TNIK: variants seen among roughly 807,000 people sequenced by gnomAD.
TNIK encodes TRAF2 and NCK-interacting protein kinase.
A neutral mutation model predicts 191.3 loss-of-function variants in TNIK; 49 were observed. The ratio of observed to expected loss-of-function variants is 0.26; its 90% CI spans 0.20 to 0.32. TNIK has a LOEUF of 0.32. TNIK is among the 10% of genes least tolerant of loss of function. The pLI, the probability that TNIK is intolerant of heterozygous loss-of-function variation, is 1.00. For synonymous variants in TNIK, 594 were observed against 600.9 expected, an observed-to-expected ratio of 0.99 and a Z score of 0.17; for missense variants, 1,155 against 1,702.3, an observed-to-expected ratio of 0.68 and a Z score of 5.66.
At chr3:171,338,252 TAAC>T (rs556441032) in intron 2 of TNIK, among the ~76,000 whole-genome samples, 58 of 152,256 alleles carry the variant, frequency 3.8e-4, no homozygotes, top group Middle Eastern at 3.4e-3. Context: ...CTCATTTCAG[TAAC>T]AACAACAACA....
intron 19 of TNIK, among the ~76,000 whole-genome samples, chr3:171,109,251 T>A (rs1411481710): frequency 6.6e-6 from 1 of 152,218 alleles, no homozygotes; most frequent in Non-Finnish European, 1.5e-5. Flanking sequence ...AGCCTTGAAC[T>A]CCTGAGCTTA....
intron 2 of TNIK, among the ~76,000 whole-genome samples, chr3:171,293,528 A>G (rs1024981759): frequency 2.6e-5 from 4 of 152,216 alleles, no homozygotes; most frequent in East Asian, 1.9e-4. Flanking sequence ...CAAGCAATGC[A>G]TCTCAGTTTT....
intron 1 of TNIK, among the ~76,000 whole-genome samples, chr3:171,414,456 T>C (rs1722796415): frequency 2.6e-5 from 4 of 152,228 alleles, no homozygotes; most frequent in Admixed American, 2.0e-4. Context: ...AAGGTCTAAA[T>C]GATAATAATA....
chr3:171,341,472 A>C (rs1442240716), intron 2 of TNIK, among the ~76,000 whole-genome samples: 1 of 3,750 alleles, frequency 2.7e-4, no homozygotes, highest in Non-Finnish European at 1.2e-3. Flanking sequence ...ACTCTGTCTC[A>C]AAAAAAAAAA....
intron 12 of TNIK, among the ~76,000 whole-genome samples, chr3:171,151,914 C>T (rs1010912228): frequency 5.9e-5 from 9 of 152,284 alleles, no homozygotes; most frequent in South Asian, 2.1e-4. Context: ...TCCACACCAG[C>T]GGCTTCTCTG....
In TNIK at chr3:171,179,578, A is replaced by T. The variant is rs572196849; in HGVS notation, c.640-2198T>A. On this transcript the variant is annotated intron_variant, in intron 7 of 32. Coordinates refer to ENST00000436636, the MANE Select transcript of TNIK (RefSeq NM_015028.4). The stretch of plus-strand genomic sequence containing the variant: ...GCCATTCTCCTGCCTCAGCCTCCCG[A>T]GTAGCTGGGACTACAGGTGCCTGCC... Among the ~76,000 whole-genome samples the T allele has an allele frequency of 2.7e-4, 41 of 152,114 alleles. No homozygotes were observed. The East Asian group carries it at 7.5e-3, about 28-fold the overall frequency.
At chr3:171,177,680 C>T (rs1736124252) in intron 7 of TNIK, among the ~76,000 whole-genome samples, 4 of 152,346 alleles carry the variant, frequency 2.6e-5, no homozygotes, top group Admixed American at 2.6e-4. Flanking sequence ...TGCTATTTGA[C>T]TGTTTATAAC....
intron 2 of TNIK, among the ~76,000 whole-genome samples, chr3:171,325,359 G>A (rs1028202604): frequency 6.6e-6 from 1 of 152,090 alleles, no homozygotes; most frequent in African/African-American, 2.4e-5. Context: ...GGACATCTGA[G>A]TAGCCTCCAA....
chr3:171,265,069 G>A (rs188988811), intron 2 of TNIK, among the ~76,000 whole-genome samples: 147 of 152,250 alleles, frequency 9.7e-4, no homozygotes, highest in African/African-American at 3.3e-3. Flanking sequence ...TGCTCATTAG[G>A]CATCTACTAG....
At chr3:171,122,749 C>T (rs564745721) in intron 18 of TNIK, among the ~76,000 whole-genome samples, 2 of 152,278 alleles carry the variant, frequency 1.3e-5, no homozygotes, top group African/African-American at 4.8e-5. Context: ...AACAGCCTGC[C>T]CAATCACATC....
Position 171,294,607 on chromosome 3 carries a change from A to G in TNIK, c.124-66386T>C, listed in dbSNP as rs1395449242. Among the ~76,000 whole-genome samples, 14 of 148,760 alleles carry G rather than the reference A, an allele frequency of 9.4e-5. 1 individual carries two copies. The highest frequency in any genetic ancestry group is 7.3e-4 in the Admixed American group (11 of 15,048). ...GTGGTGGTGAGCATCTGTAATCCCA[A>G]CTACTCAGGAGGCTGAGGCAGGAGA... is the stretch of plus-strand genomic sequence containing the variant. On this transcript the variant is annotated intron_variant, in intron 2 of 32. Transcript: ENST00000436636.
chr3:171,268,881 C>G (rs562356236), intron 2 of TNIK, among the ~76,000 whole-genome samples: 5 of 152,130 alleles, frequency 3.3e-5, no homozygotes, highest in African/African-American at 1.2e-4. Context: ...GCCAAAACAA[C>G]GGCTGCTACA....
intron 1 of TNIK, among the ~76,000 whole-genome samples, chr3:171,371,214 G>A (rs879485950): frequency 3.3e-5 from 5 of 152,124 alleles, no homozygotes; most frequent in Admixed American, 3.3e-4. Flanking sequence ...ACCACCAGCA[G>A]GATTTAAATG....
At chr3:171,333,539 A>G (rs572997897) in intron 2 of TNIK, among the ~76,000 whole-genome samples, 5 of 148,514 alleles carry the variant, frequency 3.4e-5, no homozygotes, top group Non-Finnish European at 7.4e-5. Flanking sequence ...GCACCACTGC[A>G]CTCCAACCTG....
intron 1 of TNIK, among the ~76,000 whole-genome samples, chr3:171,379,308 T>C (rs1717696513): frequency 6.6e-6 from 1 of 152,220 alleles, no homozygotes; most frequent in Non-Finnish European, 1.5e-5. Flanking sequence ...TTACATTGCA[T>C]AAATAAGTAT....
intron 4 of TNIK, among the ~76,000 whole-genome samples, chr3:171,205,566 A>T (rs973806662): frequency 2.6e-5 from 4 of 152,142 alleles, no homozygotes; most frequent in African/African-American, 9.7e-5. Flanking sequence ...CTACTTGCAG[A>T]TCCCCCCTTC....
chr3:171,071,246 AC>A lies in TNIK; in HGVS notation c.3525del (p.Tyr1176IlefsTer19). 6.2e-7 allele frequency: 1 copy of A among 1,604,426 alleles called. No individual in the cohort carries two copies. The highest frequency in any genetic ancestry group is 8.5e-7 in the Non-Finnish European group (1 of 1,176,056). On this transcript the variant is annotated frameshift_variant, in exon 29 of 33. Transcript: ENST00000436636. LOFTEE classifies it high-confidence loss of function. ...AVEIYAWAPK[P>X]YHKFMAFKSF... ...ACCTTAAATGCCATGAATTTATGAT[AC>A]GGTTTAGGAGCCCAAGCATATATTT...
At chr3:171,197,161 C>A (rs1046095490) in intron 4 of TNIK, among the ~76,000 whole-genome samples, 1 of 152,202 alleles carries the variant, frequency 6.6e-6, no homozygotes, top group African/African-American at 2.4e-5. Context: ...ATGACAGTTT[C>A]TTCTACAAAT....
chr3:171,272,420 C>G (rs1749221167), intron 2 of TNIK, among the ~76,000 whole-genome samples: 2 of 152,208 alleles, frequency 1.3e-5, no homozygotes, highest in African/African-American at 4.8e-5. Context: ...AGGGGTCTTT[C>G]CTAAGATGGC....
Sources: gnomAD v4.1 joint callset for allele counts (sites outside exome capture counted in the v4.1 genomes callset) on GRCh38, gnomAD v4.1.1 for gene constraint, MANE v1.5 for transcripts, NCBI Gene and HGNC (gene_info 2026-07-23, HGNC 2026-07-21) for gene names.